ZNF385B: variants seen among roughly 807,000 people sequenced by gnomAD.
The protein encoded by ZNF385B is zinc finger protein 533.
ZNF385B carries 23 observed loss-of-function variants against 39.2 expected under a neutral mutation model. That is an observed-to-expected ratio of 0.59 (90% CI 0.42 to 0.83). The LOEUF (loss-of-function observed/expected upper bound fraction) is 0.83. Among genes scored for constraint, ZNF385B ranks in the 40% least tolerant of loss-of-function variants. The pLI, the probability that ZNF385B is intolerant of heterozygous loss-of-function variation, is 0.00. For synonymous variants in ZNF385B, 205 were observed against 222.6 expected, an observed-to-expected ratio of 0.92 and a Z score of 0.70; for missense variants, 552 against 598.9, an observed-to-expected ratio of 0.92 and a Z score of 0.82.
rs1559338496 is a variant in ZNF385B, at chr2:179,493,784, C to CATATGTATATATACAT, written c.553-10351_553-10350insATGTATATATACATAT. Reference sequence around the variant, plus strand: ...ATATGTATACATATATGTATATACACATATGTATACATATATGTATATATA... The same window carrying CATATGTATATATACAT: ...ATATGTATACATATATGTATATACACATATGTATATATACATATATGTATACATATATGTATATATA... On this transcript the variant is annotated intron_variant, in intron 5 of 9. Transcript: ENST00000410066. 1.3e-3 allele frequency among the ~76,000 whole-genome samples: 118 copies of CATATGTATATATACAT among 88,476 alleles called. 3 individuals carry two copies. Among genetic ancestry groups the CATATGTATATATACAT allele is most frequent in the Non-Finnish European group, 2.5e-3 (105 of 42,078 alleles). 58.0% of individuals were successfully genotyped at this position (88,476 alleles called of 152,430 possible).
chr2:179,658,108 G>A (rs892499827), intron 3 of ZNF385B, among the ~76,000 whole-genome samples: 2 of 152,190 alleles, frequency 1.3e-5, no homozygotes, highest in African/African-American at 2.4e-5. Context: ...TCAACTGCAG[G>A]ATCCCTTTTA....
chr2:179,464,241 G>C (rs2051712787), intron 6 of ZNF385B, among the ~76,000 whole-genome samples: 1 of 152,146 alleles, frequency 6.6e-6, no homozygotes. Flanking sequence ...GTAGATTCTG[G>C]ATATTAGCCC....
At chr2:179,807,590 G>A (rs1044340012) in intron 1 of ZNF385B, among the ~76,000 whole-genome samples, 1 of 147,646 alleles carries the variant, frequency 6.8e-6, no homozygotes, top group Non-Finnish European at 1.5e-5. Flanking sequence ...CCCCTCCCCC[G>A]CCCCTCAAAA....
chr2:179,745,801 G>T (rs767918104), intron 3 of ZNF385B: 3 of 1,507,558 alleles, frequency 2.0e-6, no homozygotes, highest in Non-Finnish European at 2.7e-6. Flanking sequence ...TCCAGTATGT[G>T]ACCAGGATAA....
intron 3 of ZNF385B, among the ~76,000 whole-genome samples, chr2:179,628,299 G>A (rs1690859079): frequency 6.6e-6 from 1 of 152,120 alleles, no homozygotes; most frequent in Admixed American, 6.5e-5. Flanking sequence ...TGGATGAAAT[G>A]TCTTTAAGTA....
At chr2:179,487,475 A>T (rs113998638) in intron 5 of ZNF385B, among the ~76,000 whole-genome samples, 2,753 of 152,300 alleles carry the variant, frequency 0.018, 82 homozygotes, top group African/African-American at 0.062. Flanking sequence ...TGCTGGGCAA[A>T]TCTTCAAGTG....
chr2:179,564,203 G>A (rs1684282802), intron 3 of ZNF385B, among the ~76,000 whole-genome samples: 1 of 152,142 alleles, frequency 6.6e-6, no homozygotes, highest in African/African-American at 2.4e-5. Context: ...TACATGACCT[G>A]AAACATGCTG....
chr2:179,835,971 G>T (rs1486947177), intron 1 of ZNF385B, among the ~76,000 whole-genome samples: 1 of 152,014 alleles, frequency 6.6e-6, no homozygotes, highest in African/African-American at 2.4e-5. Context: ...ATAAGTGAAC[G>T]GATAAATAAA....
At chr2:179,486,029 T>A (rs1400748312) in intron 5 of ZNF385B, among the ~76,000 whole-genome samples, 1 of 152,098 alleles carries the variant, frequency 6.6e-6, no homozygotes, top group East Asian at 1.9e-4. Flanking sequence ...AAAAAAATAA[T>A]CACGTGGGGA....
At chr2:179,796,532 G>A (rs1404966786) in intron 1 of ZNF385B, among the ~76,000 whole-genome samples, 1 of 152,150 alleles carries the variant, frequency 6.6e-6, no homozygotes, top group African/African-American at 2.4e-5. Context: ...CAAGAAAAAT[G>A]TGAAAACTAA....
At chr2:179,541,601 G>A (rs555086164) in intron 4 of ZNF385B, among the ~76,000 whole-genome samples, 26 of 151,964 alleles carry the variant, frequency 1.7e-4, no homozygotes, top group African/African-American at 4.1e-4. Flanking sequence ...AAAATAAAAC[G>A]ATAAGGTAGA....
At chr2:179,531,582 C>T (rs1328918190) in intron 4 of ZNF385B, among the ~76,000 whole-genome samples, 1 of 152,010 alleles carries the variant, frequency 6.6e-6, no homozygotes, top group Non-Finnish European at 1.5e-5. Flanking sequence ...GTGCAGTGAG[C>T]CGAGATCATG....
At chr2:179,821,529 C>T (rs545953322) in intron 1 of ZNF385B, among the ~76,000 whole-genome samples, 3 of 152,174 alleles carry the variant, frequency 2.0e-5, no homozygotes, top group South Asian at 2.1e-4. Flanking sequence ...ACAATACTCT[C>T]GAGTAATGAC....
At chr2:179,830,886 G>T (rs373269240) in intron 1 of ZNF385B, among the ~76,000 whole-genome samples, 12 of 152,258 alleles carry the variant, frequency 7.9e-5, no homozygotes, top group Middle Eastern at 3.4e-3. Flanking sequence ...CATCAACATT[G>T]TGTCAACAAC....
At chr2:179,451,765 A>G (rs1269210874) in intron 6 of ZNF385B, among the ~76,000 whole-genome samples, 1 of 152,132 alleles carries the variant, frequency 6.6e-6, no homozygotes, top group Non-Finnish European at 1.5e-5. Flanking sequence ...TTCTTTCTCA[A>G]TATGCAAATG....
chr2:179,735,794 A>G (rs1231147516), intron 3 of ZNF385B, among the ~76,000 whole-genome samples: 1 of 150,302 alleles, frequency 6.7e-6, no homozygotes, highest in Non-Finnish European at 1.5e-5. Flanking sequence ...TAAAAACCAA[A>G]CACCGCATAT....
chr2:179,766,855 G>C (rs935595454), intron 3 of ZNF385B, among the ~76,000 whole-genome samples: 7 of 152,098 alleles, frequency 4.6e-5, no homozygotes, highest in Non-Finnish European at 7.3e-5. Context: ...AAGGAAGACT[G>C]GCATTTTGTT....
At chr2:179,551,519 C>T (rs1233348143) in intron 3 of ZNF385B, among the ~76,000 whole-genome samples, 1 of 136,406 alleles carries the variant, frequency 7.3e-6, no homozygotes, top group Non-Finnish European at 1.6e-5. Context: ...ATTATACTCT[C>T]ATTAACATAC....
At chr2:179,817,407 CA>C (rs1434817279) in intron 1 of ZNF385B, among the ~76,000 whole-genome samples, 14 of 152,172 alleles carry the variant, frequency 9.2e-5, no homozygotes, top group Non-Finnish European at 1.8e-4. Context: ...TTCACTTTCA[CA>C]TATTAAAGCA....
Sources: gnomAD v4.1 joint callset for allele counts (sites outside exome capture counted in the v4.1 genomes callset) on GRCh38, gnomAD v4.1.1 for gene constraint, MANE v1.5 for transcripts, NCBI Gene and HGNC (gene_info 2026-07-23, HGNC 2026-07-21) for gene names.